The following TTC7B variants were observed in gnomAD, a reference collection of about 807,000 sequenced individuals.
The protein encoded by TTC7B is tetratricopeptide repeat protein 7B.
Under a neutral mutation model 106.8 loss-of-function variants are expected in TTC7B, and 28 were observed. That is an observed-to-expected ratio of 0.26 (90% CI 0.19 to 0.36). The LOEUF (loss-of-function observed/expected upper bound fraction) is 0.36, where lower values mean the gene tolerates loss of function less well. TTC7B is among the 10% of genes least tolerant of loss of function. The pLI is 1.00. For synonymous variants in TTC7B, 405 were observed against 430.6 expected (o/e 0.94, Z 0.74); for missense variants, 862 against 1,076.4 (o/e 0.80, Z 2.79).
chr14:90,716,352 G>A (rs1888655358), intron 5 of TTC7B, among the ~76,000 whole-genome samples: 1 of 152,208 alleles, frequency 6.6e-6, no homozygotes, highest in Admixed American at 6.5e-5. Context: ...GGGGGATTCT[G>A]GCTAAAATGA....
At chr14:90,559,209 G>A (rs1333709081) in intron 19 of TTC7B, among the ~76,000 whole-genome samples, 1 of 152,256 alleles carries the variant, frequency 6.6e-6, no homozygotes, top group Non-Finnish European at 1.5e-5. Context: ...TTAACAAGGA[G>A]CATCTCCAAG....
chr14:90,654,208 G>C (rs953832395), intron 12 of TTC7B, among the ~76,000 whole-genome samples: 24 of 152,146 alleles, frequency 1.6e-4, no homozygotes, highest in African/African-American at 5.3e-4. Flanking sequence ...GGCTCCCCAG[G>C]GGGCTGGCAA....
intron 1 of TTC7B, 38 bp downstream of exon 1, chr14:90,816,137 C>G (rs1360820095): frequency 7.4e-6 from 8 of 1,087,070 alleles, no homozygotes; most frequent in Non-Finnish European, 9.1e-6. Flanking sequence ...GAGGCCGCGG[C>G]GCCCCCCGCA....
At chr14:90,755,888 C>T (rs1318996995) in intron 3 of TTC7B, among the ~76,000 whole-genome samples, 1 of 152,202 alleles carries the variant, frequency 6.6e-6, no homozygotes, top group African/African-American at 2.4e-5. Flanking sequence ...AGTAAATACT[C>T]AATAAGTACT....
At chr14:90,662,013 A>G (rs992016510) in intron 9 of TTC7B, among the ~76,000 whole-genome samples, 1 of 152,226 alleles carries the variant, frequency 6.6e-6, no homozygotes, top group East Asian at 1.9e-4. Context: ...AGTCCTCATC[A>G]GGAGTAGAAT....
At chr14:90,634,782 C>T (rs968955365) in intron 15 of TTC7B, among the ~76,000 whole-genome samples, 2 of 151,642 alleles carry the variant, frequency 1.3e-5, no homozygotes, top group Non-Finnish European at 2.9e-5. Context: ...AAAAACAAAA[C>T]AAAACAAAAA....
intron 10 of TTC7B, 179 bp downstream of exon 10, chr14:90,658,125 C>A: frequency 1.7e-6 from 1 of 605,056 alleles, no homozygotes; most frequent in East Asian, 2.8e-5. Context: ...AGTGATAAGT[C>A]CATCTTGGCT....
At chr14:90,810,709 T>C (rs1291620935) in intron 1 of TTC7B, among the ~76,000 whole-genome samples, 5 of 152,246 alleles carry the variant, frequency 3.3e-5, no homozygotes, top group Admixed American at 1.3e-4. Flanking sequence ...TGAAAACTGC[T>C]ACACAGCATA....
At chr14:90,648,538 C>T (rs1164936867) in intron 13 of TTC7B, 2 of 151,846 alleles carry the variant, frequency 1.3e-5, no homozygotes, top group African/African-American at 4.8e-5. Context: ...TTTTTGTAGA[C>T]CCGGGGTTTC....
chr14:90,562,146 G>A (rs1415374076), intron 19 of TTC7B, among the ~76,000 whole-genome samples: 1 of 152,116 alleles, frequency 6.6e-6, no homozygotes, highest in Admixed American at 6.6e-5. Context: ...ACCCTGGCTG[G>A]AAGAGGCAAC....
chr14:90,571,815 G>A (rs1410783967), intron 19 of TTC7B, among the ~76,000 whole-genome samples: 1 of 152,202 alleles, frequency 6.6e-6, no homozygotes, highest in Non-Finnish European at 1.5e-5. Context: ...TTCTCCAAGG[G>A]AAAACTGCAG....
rs1889304340 is a variant in TTC7B at position 90,532,211 on chromosome 14, C to A, written c.*9157G>T. The A allele has an allele frequency of 6.6e-6, 1 of 152,140 alleles. No homozygotes were observed. The highest frequency in any genetic ancestry group is 2.1e-4 in the South Asian group (1 of 4,822). 9.4% of individuals were successfully genotyped at this position (152,140 alleles called of 1,614,324 possible). A position where few individuals can be genotyped will look rare whatever the true frequency, so the allele number is the denominator to read the frequency against. ...AAATAAAAACCAAAACTACATAAAA[C>A]TATTTGTAAAACTATATAAAACTAC... On this transcript the variant is annotated 3_prime_UTR_variant, in exon 20 of 20. Coordinates refer to ENST00000328459, the MANE Select transcript of TTC7B (RefSeq NM_001010854.2).
intron 3 of TTC7B, among the ~76,000 whole-genome samples, chr14:90,751,012 T>G (rs1890117986): frequency 6.6e-6 from 1 of 152,240 alleles, no homozygotes; most frequent in African/African-American, 2.4e-5. Context: ...TGGTCCCCAT[T>G]AAAATGTCAG....
At chr14:90,678,477 G>A (rs1022910003) in intron 8 of TTC7B, among the ~76,000 whole-genome samples, 6 of 152,144 alleles carry the variant, frequency 3.9e-5, no homozygotes, top group Admixed American at 1.3e-4. Context: ...CTAAACAATC[G>A]AGAAGTCAAA....
rs1891391638 is a variant in TTC7B, at chr14:90,786,415, C to T, written c.122-87G>A. 2.0e-6 allele frequency: 3 copies of T among 1,532,256 alleles called. No homozygotes were observed. In the African/African-American group the frequency reaches 4.1e-5, roughly 21 times the overall value. The allele number at this position is 1,532,256 out of a possible 1,614,324, so 94.9% of individuals were successfully genotyped here. Reference sequence around the variant, plus strand: ...ACTCAAGGGACCCCAGAACCACCACCCTCCGAGGCTCCAGGCCCCCAGCAA... The same window carrying T: ...ACTCAAGGGACCCCAGAACCACCACTCTCCGAGGCTCCAGGCCCCCAGCAA... On this transcript the variant is annotated intron_variant, in intron 1 of 19. Coordinates refer to ENST00000328459, the MANE Select transcript of TTC7B (RefSeq NM_001010854.2).
intron 5 of TTC7B, among the ~76,000 whole-genome samples, chr14:90,716,876 G>A (rs1888676520): frequency 6.6e-6 from 1 of 152,132 alleles, no homozygotes; most frequent in Non-Finnish European, 1.5e-5. Flanking sequence ...CAGAGAGACA[G>A]AAGACGCAAA....
Position 90,720,953 on chromosome 14 carries a change from C to T in TTC7B, c.698+9122G>A, listed in dbSNP as rs1468877816. Among the ~76,000 whole-genome samples the T allele has an allele frequency of 5.9e-5, 9 of 152,142 alleles. 1 individual carries two copies. Among genetic ancestry groups the T allele is most frequent in the Middle Eastern group, 3.4e-3 (1 of 294 alleles). ...ATGTGAATGGATAAACAAACAAGCA[C>T]GGAATCTATTCCTCCACTCCTGCTC... On this transcript the variant is annotated intron_variant, in intron 5 of 19. Coordinates refer to ENST00000328459, the MANE Select transcript of TTC7B (RefSeq NM_001010854.2).
rs530155022 is a variant in TTC7B, at chr14:90,634,542, C to T, written c.1751+9506G>A. Among the ~76,000 whole-genome samples the T allele has an allele frequency of 8.4e-4, 128 of 152,046 alleles. 1 individual carries two copies. The highest frequency in any genetic ancestry group is 2.6e-3 in the African/African-American group (107 of 41,480). ...ATCCCAGTATTGTGGGAGGCTGTGG[C>T]GGGTGAATCACCTGAGGTCAGGAGT... On this transcript the variant is annotated intron_variant, in intron 15 of 19. Coordinates refer to ENST00000328459, the MANE Select transcript of TTC7B (RefSeq NM_001010854.2).
At chr14:90,607,651 A>C (rs1250703768) in intron 17 of TTC7B, among the ~76,000 whole-genome samples, 1 of 152,232 alleles carries the variant, frequency 6.6e-6, no homozygotes, top group Non-Finnish European at 1.5e-5. Flanking sequence ...TCAAAGGCAA[A>C]GGGAGGAAAA....
Sources: allele counts gnomAD v4.1 joint callset (sites outside exome capture counted in the v4.1 genomes callset), GRCh38; gene constraint gnomAD v4.1.1; transcripts MANE v1.5; gene names NCBI Gene and HGNC (gene_info 2026-07-23, HGNC 2026-07-21).